ZHX2: variants seen among roughly 807,000 people sequenced by gnomAD.
ZHX2 encodes zinc fingers and homeoboxes protein 2.
Under a neutral mutation model 21.9 loss-of-function variants are expected in ZHX2, and 6 were observed. The observed-to-expected ratio is 0.27, with a 90% CI of 0.15 to 0.54. The LOEUF (loss-of-function observed/expected upper bound fraction) is 0.54, where lower values mean the gene tolerates loss of function less well. Among genes scored for constraint, ZHX2 ranks in the 20% least tolerant of loss-of-function variants. ZHX2 has a pLI of 0.95. For synonymous variants in ZHX2, 434 were observed against 437.1 expected (o/e 0.99, Z 0.09); for missense variants, 908 against 1,090.7 (o/e 0.83, Z 2.36).
At chr8:122,909,096 C>A (rs906794729) in intron 2 of ZHX2, among the ~76,000 whole-genome samples, 4 of 152,152 alleles carry the variant, frequency 2.6e-5, no homozygotes, top group African/African-American at 9.7e-5. Context: ...AAATAAAGAT[C>A]ATCTGATTTG....
chr8:122,780,565 G>A (rs1349488773), upstream of ZHX2: 1 of 152,270 alleles, frequency 6.6e-6, no homozygotes, highest in African/African-American at 2.4e-5. Context: ...GAATTCCTTA[G>A]AGCTCTTTAG....
chr8:122,839,293 C>T (rs1818571445), intron 1 of ZHX2, among the ~76,000 whole-genome samples: 1 of 152,148 alleles, frequency 6.6e-6, no homozygotes, highest in Admixed American at 6.5e-5. Flanking sequence ...TTCCAACTTC[C>T]CTCACCCCAT....
intron 2 of ZHX2, among the ~76,000 whole-genome samples, chr8:122,947,016 G>A (rs547900852): frequency 6.8e-5 from 10 of 147,616 alleles, no homozygotes; most frequent in African/African-American, 2.2e-4. Context: ...AGCACTTTGG[G>A]AGACAGAGGC....
chr8:122,834,475 A>C (rs1039695195), intron 1 of ZHX2, among the ~76,000 whole-genome samples: 2 of 152,192 alleles, frequency 1.3e-5, no homozygotes, highest in Non-Finnish European at 2.9e-5. Flanking sequence ...GTGGAGGTGG[A>C]TTGCTAGGAG....
At chr8:122,806,956 A>T (rs1817836626) in intron 1 of ZHX2, among the ~76,000 whole-genome samples, 1 of 152,132 alleles carries the variant, frequency 6.6e-6, no homozygotes, top group South Asian at 2.1e-4. Flanking sequence ...CCATCCTTAG[A>T]CCCTCTGATC....
chr8:122,945,180 C>T lies in ZHX2; in HGVS notation c.-219-6112C>T, dbSNP rs142397015. The stretch of plus-strand genomic sequence containing the variant: ...ATGGCAGCCCTAGCGAACTAATGTA[C>T]CAGCTACGAACTCCTTGAGGACAGA... On this transcript the variant is annotated intron_variant, in intron 2 of 3. Coordinates refer to ENST00000314393, the MANE Select transcript of ZHX2 (RefSeq NM_014943.5). 2.1e-3 allele frequency among the ~76,000 whole-genome samples: 320 copies of T among 152,268 alleles called. 1 individual carries two copies. The highest frequency in any genetic ancestry group is 7.4e-3 in the African/African-American group (307 of 41,546).
chr8:122,791,572 T>G (rs1385826249), intron 1 of ZHX2, among the ~76,000 whole-genome samples: 2 of 152,186 alleles, frequency 1.3e-5, no homozygotes, highest in Non-Finnish European at 2.9e-5. Flanking sequence ...AGTGTGAAGA[T>G]GATGTATAGG....
intron 1 of ZHX2, among the ~76,000 whole-genome samples, chr8:122,785,900 G>T (rs1586570005): frequency 6.6e-6 from 1 of 152,286 alleles, no homozygotes; most frequent in East Asian, 1.9e-4. Flanking sequence ...GGTTTCTGAA[G>T]GTCACGTGTT....
chr8:122,793,229 A>G (rs760497043), intron 1 of ZHX2, among the ~76,000 whole-genome samples: 4 of 152,200 alleles, frequency 2.6e-5, no homozygotes, highest in African/African-American at 9.7e-5. Flanking sequence ...TCCTGTGAGG[A>G]TACCTCTAAG....
Position 122,951,375 on chromosome 8 carries a change from C to A in ZHX2, c.-136C>A. 1.3e-6 allele frequency: 1 copy of A among 750,588 alleles called. No homozygotes were observed. The highest frequency in any genetic ancestry group is 2.1e-6 in the Non-Finnish European group (1 of 472,420). The allele number at this position is 750,588 out of a possible 1,614,324, so 46.5% of individuals were successfully genotyped here. ...TCATTCTGAAAACTCAAACAGTAGA[C>A]TTCAGCACACAAGGAAAGCCAAAGC... On this transcript the variant is annotated 5_prime_UTR_variant, in exon 3 of 4. Transcript: ENST00000314393.
At chr8:122,936,798 A>G (rs1185238024) in intron 2 of ZHX2, among the ~76,000 whole-genome samples, 1 of 152,218 alleles carries the variant, frequency 6.6e-6, no homozygotes, top group Non-Finnish European at 1.5e-5. Context: ...GTGGCGAGAT[A>G]GCCACTGGTG....
intron 1 of ZHX2, among the ~76,000 whole-genome samples, chr8:122,859,979 C>G (rs1456400613): frequency 6.6e-6 from 1 of 152,148 alleles, no homozygotes. Flanking sequence ...GTACCTGTAT[C>G]AGTCCATTTT....
At chr8:122,957,167 C>G (rs1337206895) in intron 3 of ZHX2, among the ~76,000 whole-genome samples, 3 of 151,978 alleles carry the variant, frequency 2.0e-5, no homozygotes, top group African/African-American at 7.3e-5. Flanking sequence ...CCACATTCAC[C>G]CAGCCAACAC....
chr8:122,818,864 A>G (rs1208797940), intron 1 of ZHX2, among the ~76,000 whole-genome samples: 1 of 152,168 alleles, frequency 6.6e-6, no homozygotes. Flanking sequence ...TGGGACCTCC[A>G]CAGATAGAGG....
chr8:122,944,053 C>T (rs1183131702), intron 2 of ZHX2, among the ~76,000 whole-genome samples: 1 of 152,212 alleles, frequency 6.6e-6, no homozygotes, highest in African/African-American at 2.4e-5. Flanking sequence ...TCTGCTCTGC[C>T]TGGGAAGACT....
intron 2 of ZHX2, among the ~76,000 whole-genome samples, chr8:122,887,274 G>A (rs748976389): frequency 5.7e-4 from 86 of 152,116 alleles, no homozygotes; most frequent in Non-Finnish European, 1.1e-3. Flanking sequence ...AGCGCTTTGG[G>A]AGGCCGAGGT....
At chr8:122,907,653 A>G (rs538328075) in intron 2 of ZHX2, among the ~76,000 whole-genome samples, 1 of 152,338 alleles carries the variant, frequency 6.6e-6, no homozygotes, top group South Asian at 2.1e-4. Context: ...CCCAATCAGC[A>G]TGAAGTCAGT....
At chr8:122,920,080 CATGGTCA>C (rs1337846124) in intron 2 of ZHX2, among the ~76,000 whole-genome samples, 3 of 152,142 alleles carry the variant, frequency 2.0e-5, no homozygotes, top group Non-Finnish European at 4.4e-5. Context: ...TCAAGACCAG[CATGGTCA>C]ACATGGCAAA....
intron 1 of ZHX2, among the ~76,000 whole-genome samples, chr8:122,796,979 C>T (rs1817625208): frequency 6.6e-6 from 1 of 152,158 alleles, no homozygotes; most frequent in Non-Finnish European, 1.5e-5. Flanking sequence ...GCAGGCCGGC[C>T]AGGGGGTTCC....
Sources: gnomAD v4.1 joint callset for allele counts (sites outside exome capture counted in the v4.1 genomes callset) on GRCh38, gnomAD v4.1.1 for gene constraint, MANE v1.5 for transcripts, NCBI Gene and HGNC (gene_info 2026-07-23, HGNC 2026-07-21) for gene names.